Variants in ATG7 observed in about 807,000 individuals in gnomAD.
The protein encoded by ATG7 is ubiquitin-like modifier-activating enzyme ATG7.
A neutral mutation model predicts 82.4 loss-of-function variants in ATG7; 70 were observed. The ratio of observed to expected loss-of-function variants is 0.85; its 90% confidence interval spans 0.70 to 1.04. The LOEUF (loss-of-function observed/expected upper bound fraction) is 1.04. Among genes scored for constraint, ATG7 ranks in the 50% least tolerant of loss-of-function variants. The pLI is 0.00. For synonymous variants in ATG7, 287 were observed against 313.0 expected (o/e 0.92, Z 0.88); for missense variants, 792 against 864.3 (o/e 0.92, Z 1.05).
At chr3:11,490,795 T>C (rs2090266848) in intron 20 of ATG7, among the ~76,000 whole-genome samples, 1 of 152,238 alleles carries the variant, frequency 6.6e-6, no homozygotes, top group Admixed American at 6.5e-5. Flanking sequence ...TGTTGAATAT[T>C]GGCCCCCACT....
At chr3:11,388,302 A>T (rs144167757) in intron 19 of ATG7, among the ~76,000 whole-genome samples, 1 of 152,114 alleles carries the variant, frequency 6.6e-6, no homozygotes, top group Non-Finnish European at 1.5e-5. Context: ...AGCTGTATCC[A>T]ACTGGGTGAT....
At chr3:11,406,243 G>A (rs1249409661) in intron 19 of ATG7, among the ~76,000 whole-genome samples, 1 of 152,096 alleles carries the variant, frequency 6.6e-6, no homozygotes, top group East Asian at 1.9e-4. Flanking sequence ...GCCCACCCCA[G>A]CCTCTCAAAG....
At chr3:11,387,139 CT>C (rs749096920) in intron 19 of ATG7, among the ~76,000 whole-genome samples, 3 of 152,192 alleles carry the variant, frequency 2.0e-5, no homozygotes, top group Non-Finnish European at 4.4e-5. Flanking sequence ...ATTAGGTCTC[CT>C]GAGATACATG....
chr3:11,325,850 G>T (rs1380172507), intron 9 of ATG7, among the ~76,000 whole-genome samples: 1 of 152,128 alleles, frequency 6.6e-6, no homozygotes, highest in Non-Finnish European at 1.5e-5. Context: ...TTTCTAGATT[G>T]ATACTGCCTA....
intron 19 of ATG7, among the ~76,000 whole-genome samples, chr3:11,420,301 T>C (rs1387004894): frequency 6.6e-6 from 1 of 152,242 alleles, no homozygotes; most frequent in Non-Finnish European, 1.5e-5. Flanking sequence ...CTATTAATAA[T>C]GTTCCAGCAT....
At chr3:11,304,313 T>C (rs1405650579) in intron 5 of ATG7, among the ~76,000 whole-genome samples, 1 of 152,194 alleles carries the variant, frequency 6.6e-6, no homozygotes, top group Non-Finnish European at 1.5e-5. Flanking sequence ...AACTGCCTAA[T>C]TGAATTACAA....
chr3:11,515,791 C>T (rs1213023155), intron 20 of ATG7, among the ~76,000 whole-genome samples: 1 of 151,910 alleles, frequency 6.6e-6, no homozygotes, highest in East Asian at 1.9e-4. Context: ...AGTGTAGGTA[C>T]AGTTTAATGG....
intron 19 of ATG7, among the ~76,000 whole-genome samples, chr3:11,393,929 C>T (rs1207734727): frequency 2.6e-5 from 4 of 152,182 alleles, no homozygotes; most frequent in East Asian, 1.9e-4. Flanking sequence ...AGTCCTCCTC[C>T]CTTGGCCTCC....
chr3:11,468,028 T>G (rs2087015864), intron 20 of ATG7, among the ~76,000 whole-genome samples: 1 of 152,176 alleles, frequency 6.6e-6, no homozygotes, highest in East Asian at 1.9e-4. Flanking sequence ...AGTTTCTATT[T>G]CCAAAAGATG....
intron 2 of ATG7, among the ~76,000 whole-genome samples, chr3:11,281,837 C>T (rs1213188437): frequency 6.6e-6 from 1 of 151,118 alleles, no homozygotes; most frequent in East Asian, 1.9e-4. Context: ...AATCGGAAAT[C>T]AGGCCTTTGC....
chr3:11,516,358 A>G (rs1415061185), intron 20 of ATG7, among the ~76,000 whole-genome samples: 1 of 152,240 alleles, frequency 6.6e-6, no homozygotes, highest in Non-Finnish European at 1.5e-5. Flanking sequence ...TAAAAAAAAA[A>G]AGATGTTCCA....
At chr3:11,353,304 G>A (rs919639415) in intron 14 of ATG7, among the ~76,000 whole-genome samples, 5 of 152,136 alleles carry the variant, frequency 3.3e-5, no homozygotes, top group African/African-American at 9.7e-5. Context: ...AATTAGCTGA[G>A]TGTGGTGGCG....
chr3:11,423,217 G>A (rs185461718), intron 19 of ATG7, among the ~76,000 whole-genome samples: 2 of 152,082 alleles, frequency 1.3e-5, no homozygotes, highest in Admixed American at 6.6e-5. Flanking sequence ...TTGGTGAATC[G>A]GTCAGAACAC....
At chr3:11,351,552 GC>G (rs1267149750) in intron 14 of ATG7, among the ~76,000 whole-genome samples, 1 of 152,174 alleles carries the variant, frequency 6.6e-6, no homozygotes, top group African/African-American at 2.4e-5. Flanking sequence ...GCCATGCTGG[GC>G]CTGAGAGAGC....
intron 14 of ATG7, among the ~76,000 whole-genome samples, chr3:11,354,650 C>CAAAA (rs5846706): frequency 5.5e-4 from 34 of 61,924 alleles, no homozygotes; most frequent in East Asian, 1.8e-3. Flanking sequence ...TCCATCTCAC[C>CAAAA]AAAAAAAAAA....
At chr3:11,301,308 A>C (rs1042153038) in intron 5 of ATG7, among the ~76,000 whole-genome samples, 1 of 152,200 alleles carries the variant, frequency 6.6e-6, no homozygotes, top group Non-Finnish European at 1.5e-5. Flanking sequence ...AAAAGGCTAC[A>C]GTGTTTTTTC....
intron 20 of ATG7, among the ~76,000 whole-genome samples, chr3:11,431,963 C>A (rs9861633): frequency 6.6e-6 from 1 of 152,006 alleles, no homozygotes; most frequent in Non-Finnish European, 1.5e-5. Flanking sequence ...CACTCATCCC[C>A]TGTCCATCAG....
rs180717700 is a variant in ATG7 at position 11,436,600 on chromosome 3, T to G, written c.2079+9674T>G. On this transcript the variant is annotated intron_variant, in intron 20 of 20. Coordinates refer to ENST00000693202, the MANE Select transcript of ATG7 (RefSeq NM_001349232.2). Reference sequence around the variant, plus strand: ...GAAATGAAAATGTGCACACAAAAAATGTACACAGTGTTCCTAACACTATTA... The same window carrying G: ...GAAATGAAAATGTGCACACAAAAAAGGTACACAGTGTTCCTAACACTATTA... Among the ~76,000 whole-genome samples the G allele has an allele frequency of 1.8e-3, 272 of 152,224 alleles. 4 individuals carry two copies. The highest frequency in any genetic ancestry group is 0.015 in the Admixed American group (234 of 15,290).
intron 18 of ATG7, among the ~76,000 whole-genome samples, chr3:11,374,896 A>G (rs1303730077): frequency 2.0e-3 from 29 of 14,752 alleles, no homozygotes; most frequent in African/African-American, 4.6e-3. Context: ...AGAGCTCAAA[A>G]AAAAAAAAAA....
Sources: allele counts gnomAD v4.1 joint callset (sites outside exome capture counted in the v4.1 genomes callset), GRCh38; gene constraint gnomAD v4.1.1; transcripts MANE v1.5; gene names NCBI Gene and HGNC (gene_info 2026-07-23, HGNC 2026-07-21).